Variants in GIPC1 observed in about 807,000 individuals in gnomAD.
GIPC1 encodes the protein PDZ domain-containing protein GIPC1.
Under a neutral mutation model 28.5 loss-of-function variants are expected in GIPC1, and 15 were observed. That is an observed-to-expected ratio of 0.53 (90% CI 0.35 to 0.81). The LOEUF is 0.81. Ranked by LOEUF, GIPC1 falls within the 30% of genes least tolerant of loss-of-function variation. The probability of loss-of-function intolerance (pLI) is 0.01; values close to 1 mark genes in which losing one functional copy is unlikely to be tolerated. For synonymous variants in GIPC1, 224 were observed against 206.1 expected (o/e 1.09, Z -0.74); for missense variants, 439 against 481.9 (o/e 0.91, Z 0.83).
chr19:14,492,126 A>G (rs1599365224), intron 2 of GIPC1, among the ~76,000 whole-genome samples: 1 of 152,214 alleles, frequency 6.6e-6, no homozygotes, highest in East Asian at 1.9e-4. Context: ...AGCTCTACGC[A>G]CTGGGAGGCA....
chr19:14,479,399 C>T lies in GIPC1; in HGVS notation c.768+13G>A, dbSNP rs752553712. The stretch of plus-strand genomic sequence containing the variant: ...AAGGGATGCCGGAGATAGGGTCCGG[C>T]TGGAGCACTCACCAGATCCTCCACC... On this transcript the variant is annotated intron_variant, in intron 7 of 8. Coordinates refer to ENST00000393033, the MANE Select transcript of GIPC1 (RefSeq NM_005716.4). The T allele has an allele frequency of 1.7e-6, 2 of 1,157,702 alleles. No homozygotes were observed. The highest frequency in any genetic ancestry group is 3.7e-5 in the South Asian group (2 of 54,444). 71.7% of individuals were successfully genotyped at this position (1,157,702 alleles called of 1,614,324 possible). A position where few individuals can be genotyped will look rare whatever the true frequency, so the allele number is the denominator to read the frequency against.
intron 3 of GIPC1, among the ~76,000 whole-genome samples, chr19:14,488,767 G>A (rs550725414): frequency 6.7e-5 from 10 of 149,280 alleles, no homozygotes; most frequent in African/African-American, 2.2e-4. Context: ...AGCGAGACTC[G>A]GTCTAAACAA....
At chr19:14,485,725 A>AGAGAGAGAGAGAGAGAGAGAGAGG (rs1555721820) in intron 3 of GIPC1, among the ~76,000 whole-genome samples, 14 of 141,188 alleles carry the variant, frequency 9.9e-5, no homozygotes, top group African/African-American at 2.6e-4. Flanking sequence ...AGAGAGAGAG[A>AGAGAGAGAGAGAGAGAGAGAGAGG]GAGAGAGAGA....
intron 1 of GIPC1, among the ~76,000 whole-genome samples, chr19:14,495,089 G>C (rs1270077318): frequency 6.6e-6 from 1 of 151,870 alleles, no homozygotes; most frequent in Non-Finnish European, 1.5e-5. Flanking sequence ...GGGTGTTTCC[G>C]GGGAGAACGC....
At chr19:14,481,394 C>A (rs1568361963) in intron 4 of GIPC1, among the ~76,000 whole-genome samples, 2 of 152,198 alleles carry the variant, frequency 1.3e-5, no homozygotes, top group South Asian at 4.1e-4. Context: ...TAGGTGTGCA[C>A]CACTGTACCC....
In GIPC1 at chr19:14,496,064, C is replaced by CGCCGCCGCCGCCGCT. The variant is rs1555723682; in HGVS notation, c.-203_-202insAGCGGCGGCGGCGGC. 18 of 251,486 alleles carry CGCCGCCGCCGCCGCT rather than the reference C, an allele frequency of 7.2e-5. No individual in the cohort carries two copies. The highest frequency in any genetic ancestry group is 2.2e-4 in the East Asian group (2 of 9,294). The allele number at this position is 251,486 out of a possible 1,614,324, so 15.6% of individuals were successfully genotyped here. Reference sequence around the variant, plus strand: ...GCTCCGCCGCCGCCGCCGCCGCCGCCGCCGCCGCCGCTGCCTCCGCCTCCC... The same window carrying CGCCGCCGCCGCCGCT: ...GCTCCGCCGCCGCCGCCGCCGCCGCCGCCGCCGCCGCCGCTGCCGCCGCCGCTGCCTCCGCCTCCC... On this transcript the variant is annotated 5_prime_UTR_variant, in exon 1 of 9. Coordinates refer to ENST00000393033, the MANE Select transcript of GIPC1 (RefSeq NM_005716.4).
At chr19:14,493,913 G>A (rs543844527) in intron 1 of GIPC1, among the ~76,000 whole-genome samples, 262 of 151,114 alleles carry the variant, frequency 1.7e-3, no homozygotes, top group Non-Finnish European at 3.2e-3. Flanking sequence ...TGCCTGCCTC[G>A]GCCTCCCAAA....
chr19:14,479,082 T>G (rs373908177), intron 7 of GIPC1, among the ~76,000 whole-genome samples: 1 of 152,072 alleles, frequency 6.6e-6, no homozygotes, highest in South Asian at 2.1e-4. Context: ...CGGTGGCTCA[T>G]GCCTATAATC....
intron 1 of GIPC1, among the ~76,000 whole-genome samples, chr19:14,495,331 G>T (rs114768203): frequency 7.2e-6 from 1 of 138,094 alleles, no homozygotes; most frequent in East Asian, 2.6e-4. Flanking sequence ...GGTGGGAGGG[G>T]TAGGGGGCCG....
intron 6 of GIPC1, 149 bp downstream of exon 6, chr19:14,480,156 G>A: frequency 3.0e-6 from 2 of 663,568 alleles, no homozygotes; most frequent in Non-Finnish European, 5.2e-6. Flanking sequence ...CCCGTCTGGG[G>A]TCGGGAGGAG....
At chr19:14,481,165 T>A (rs1018222293) in intron 4 of GIPC1, among the ~76,000 whole-genome samples, 8 of 152,158 alleles carry the variant, frequency 5.3e-5, no homozygotes, top group Admixed American at 3.9e-4. Context: ...AGATATGGGG[T>A]CTCACTATGT....
At chr19:14,487,529 C>T (rs528166760) in intron 3 of GIPC1, among the ~76,000 whole-genome samples, 3 of 151,908 alleles carry the variant, frequency 2.0e-5, no homozygotes, top group East Asian at 1.9e-4. Flanking sequence ...TCACTGCACC[C>T]GGCCGAAGAG....
In GIPC1 at chr19:14,480,631, T is replaced by C; in HGVS notation, c.436A>G (p.Thr146Ala). The change falls in exon 5 of 9, where the codon ACC becomes GCC. Residue 146 changes from threonine to alanine, a missense_variant. By Grantham distance (58) the Thr-to-Ala change is moderately conservative. Transcript: ENST00000393033. ...TAGCCAGCCCCGTTGTCCGTGATGG[T>C]GAGCCCGAGTGCATCCTCCGACTTG... ...VFKSEDALGL[T>A]ITDNGAGYAF... 6.2e-7 allele frequency: 1 copy of C among 1,614,210 alleles called. No homozygotes were observed. Among genetic ancestry groups the C allele is most frequent in the Non-Finnish European group, 8.5e-7 (1 of 1,180,024 alleles).
At chr19:14,479,001 G>A (rs1298686862) in intron 7 of GIPC1, among the ~76,000 whole-genome samples, 1 of 152,136 alleles carries the variant, frequency 6.6e-6, no homozygotes, top group African/African-American at 2.4e-5. Context: ...TAGAATCCAG[G>A]CTGTCTGCCC....
intron 4 of GIPC1, 125 bp from the exon 5 acceptor site, chr19:14,480,903 A>G (rs2071715624): frequency 1.4e-6 from 1 of 699,198 alleles, no homozygotes; most frequent in Admixed American, 2.8e-5. Flanking sequence ...CTCATCACCC[A>G]CTGAGCCTGA....
At chr19:14,491,383 T>C (rs990649162) in intron 3 of GIPC1, among the ~76,000 whole-genome samples, 1 of 151,944 alleles carries the variant, frequency 6.6e-6, no homozygotes, top group East Asian at 1.9e-4. Context: ...CTCAGCCTCC[T>C]GAGTAGCTGG....
chr19:14,478,720 G>A lies in GIPC1; in HGVS notation c.814C>T (p.Leu272=), dbSNP rs763591554. 11 of 1,613,722 alleles carry A rather than the reference G, an allele frequency of 6.8e-6. No individual in the cohort carries two copies. The highest frequency in any genetic ancestry group is 8.5e-6 in the Non-Finnish European group (10 of 1,179,890). The change falls in exon 8 of 9, where the codon CTG becomes TTG. Residue 272 remains leucine, a synonymous_variant. Coordinates refer to ENST00000393033, the MANE Select transcript of GIPC1 (RefSeq NM_005716.4). The surrounding 1 kb of genome is among the most constrained non-coding windows in gnomAD (Gnocchi z 5.2). ...EKAIEKVDDL[L]ESYMGIRDTE... The stretch of plus-strand genomic sequence containing the variant: ...TCCCTGATACCCATGTAACTCTCCA[G>A]CAGGTCATCCACCTTCTCAATGGCC...
intron 3 of GIPC1, chr19:14,483,455 A>C (rs2071775424): frequency 9.9e-6 from 1 of 100,770 alleles, no homozygotes; most frequent in South Asian, 2.5e-4. Context: ...GGCTCCGTCT[A>C]TAAATAAAAT....
chr19:14,494,756 A>G (rs1365395677), intron 1 of GIPC1, among the ~76,000 whole-genome samples: 1 of 152,136 alleles, frequency 6.6e-6, no homozygotes, highest in African/African-American at 2.4e-5. Flanking sequence ...TGCGGTTGCC[A>G]ACTGTCCTAG....
Sources: allele counts gnomAD v4.1 joint callset (sites outside exome capture counted in the v4.1 genomes callset), GRCh38; gene constraint gnomAD v4.1.1; non-coding constraint Gnocchi (gnomAD v3.1); transcripts MANE v1.5; gene names NCBI Gene and HGNC (gene_info 2026-07-23, HGNC 2026-07-21).